The following DMD variants were observed in gnomAD, a reference collection of about 807,000 sequenced individuals.
DMD encodes mutant dystrophin.
A neutral mutation model predicts 330.1 loss-of-function variants in DMD; 63 were observed. That is an observed-to-expected ratio of 0.19 (90% confidence interval 0.16 to 0.24). The LOEUF is 0.24. Ranked by LOEUF, DMD falls within the 10% of genes least tolerant of loss-of-function variation. DMD has a pLI of 1.00. For missense variants in DMD, 3,344 were observed against 2,684.1 expected (o/e 1.25, Z -5.43); for synonymous variants, 1,223 against 959.8 (o/e 1.27, Z -5.07).
intron 44 of DMD, among the ~76,000 whole-genome samples, chrX:32,077,194 C>CTGGTTCTG (rs2096359191): frequency 9.0e-6 from 1 of 111,013 alleles, no homozygotes; most frequent in Non-Finnish European, 1.9e-5. Flanking sequence ...TCTGAGGTAT[C>CTGGTTCTG]ATCAAGGTTC....
chrX:32,152,273 G>T (rs1412708781), intron 44 of DMD, among the ~76,000 whole-genome samples: 2 of 111,131 alleles, frequency 1.8e-5, no homozygotes, highest in East Asian at 2.8e-4. Context: ...AAAGATGGGG[G>T]GTGGGCGTTG....
chrX:31,206,768 T>C, intron 65 of DMD, 101 bp from the exon 66 acceptor site: 1 of 642,595 alleles, frequency 1.6e-6, no homozygotes, highest in East Asian at 3.6e-5. Context: ...AATAAAGGAG[T>C]AAAGTGCTCA....
intron 44 of DMD, among the ~76,000 whole-genome samples, chrX:32,071,677 A>C (rs1237559809): frequency 9.1e-6 from 1 of 110,049 alleles, no homozygotes; most frequent in Non-Finnish European, 1.9e-5. Flanking sequence ...AATCTCAGAA[A>C]TATCAAAAAA....
chrX:31,752,688 C>T (rs988132602), intron 51 of DMD, among the ~76,000 whole-genome samples: 1 of 111,269 alleles, frequency 9.0e-6, no homozygotes, highest in South Asian at 3.8e-4. Flanking sequence ...TCAGATAAAG[C>T]TCTTATCTTT....
At chrX:32,610,683 C>T (rs2057101073) in intron 12 of DMD, among the ~76,000 whole-genome samples, 1 of 111,159 alleles carries the variant, frequency 9.0e-6, no homozygotes, top group African/African-American at 3.3e-5. Flanking sequence ...TTGTCATCTG[C>T]AATCATCTTT....
At chrX:31,898,831 C>T (rs1029459331) in intron 47 of DMD, among the ~76,000 whole-genome samples, 1 of 111,577 alleles carries the variant, frequency 9.0e-6, no homozygotes, top group Non-Finnish European at 1.9e-5. Context: ...AGAAGAATAG[C>T]GAATAACAGG....
At chrX:33,106,656 T>C (rs2095290231) in intron 1 of DMD, among the ~76,000 whole-genome samples, 1 of 112,073 alleles carries the variant, frequency 8.9e-6, no homozygotes, top group African/African-American at 3.2e-5. Flanking sequence ...TGCCTCATAA[T>C]GTTTTGAACA....
chrX:32,720,094 TTGAC>T (rs1253687586), intron 7 of DMD, among the ~76,000 whole-genome samples: 1 of 111,275 alleles, frequency 9.0e-6, no homozygotes, highest in Non-Finnish European at 1.9e-5. Flanking sequence ...TAGCATTTCT[TTGAC>T]TGTTTCTATC....
intron 9 of DMD, among the ~76,000 whole-genome samples, chrX:32,675,572 A>C (rs1035726671): frequency 3.6e-5 from 4 of 111,624 alleles, no homozygotes; most frequent in African/African-American, 6.5e-5. Context: ...AAGTGTGTGC[A>C]TAAGTGTGTT....
At chrX:32,125,069 A>G (rs1366779656) in intron 44 of DMD, among the ~76,000 whole-genome samples, 2 of 111,092 alleles carry the variant, frequency 1.8e-5, no homozygotes, top group African/African-American at 6.5e-5. Flanking sequence ...GACTATGCAA[A>G]GCTTTGCACA....
intron 44 of DMD, among the ~76,000 whole-genome samples, chrX:32,041,816 T>C (rs910949242): frequency 9.2e-6 from 1 of 108,531 alleles, no homozygotes; most frequent in Non-Finnish European, 1.9e-5. Flanking sequence ...GAATTAGGCA[T>C]AATTAGATTT....
intron 55 of DMD, among the ~76,000 whole-genome samples, chrX:31,526,878 G>C (rs1294507125): frequency 8.9e-6 from 1 of 112,435 alleles, no homozygotes; most frequent in East Asian, 2.8e-4. Context: ...GTCAGGCCAA[G>C]GTGGGTGGAT....
chrX:31,908,325 T>A (rs1208121659), intron 47 of DMD, among the ~76,000 whole-genome samples: 1 of 111,703 alleles, frequency 9.0e-6, no homozygotes, highest in Non-Finnish European at 1.9e-5. Flanking sequence ...CAAATGTCCA[T>A]CAGTGATAGA....
chrX:32,894,304 C>T (rs1181979979), intron 2 of DMD, among the ~76,000 whole-genome samples: 2 of 111,467 alleles, frequency 1.8e-5, no homozygotes, highest in African/African-American at 6.5e-5. Context: ...AGCCAGCAAA[C>T]GAGGCATTGG....
At chrX:32,383,924 T>TAAA (rs1383160678) in intron 33 of DMD, among the ~76,000 whole-genome samples, 1 of 109,260 alleles carries the variant, frequency 9.2e-6, no homozygotes, top group Non-Finnish European at 1.9e-5. Flanking sequence ...CTATGACAAA[T>TAAA]AAAAAGCCCA....
intron 7 of DMD, among the ~76,000 whole-genome samples, chrX:32,794,733 G>A (rs1487954144): frequency 1.8e-5 from 2 of 112,310 alleles, no homozygotes; most frequent in Admixed American, 9.4e-5. Flanking sequence ...CGTTGTCCAA[G>A]TACTGCTCTT....
At chrX:32,138,822 C>T (rs1444709491) in intron 44 of DMD, among the ~76,000 whole-genome samples, 1 of 112,063 alleles carries the variant, frequency 8.9e-6, no homozygotes, top group Non-Finnish European at 1.9e-5. Context: ...AAGCTAAGTG[C>T]CTGGTATGTG....
intron 55 of DMD, among the ~76,000 whole-genome samples, chrX:31,521,733 A>G (rs1453968176): frequency 1.8e-5 from 2 of 111,784 alleles, no homozygotes; most frequent in Non-Finnish European, 3.8e-5. Context: ...ACGGTTTTAA[A>G]TTTAGCAGAA....
At chrX:32,770,144 G>T (rs977880593) in intron 7 of DMD, among the ~76,000 whole-genome samples, 1 of 111,755 alleles carries the variant, frequency 8.9e-6, no homozygotes, top group Non-Finnish European at 1.9e-5. Flanking sequence ...ATAGAAAGCC[G>T]GATTTTGTTT....
Sources: gnomAD v4.1 joint callset for allele counts (sites outside exome capture counted in the v4.1 genomes callset) on GRCh38, gnomAD v4.1.1 for gene constraint, MANE v1.5 for transcripts, NCBI Gene and HGNC (gene_info 2026-07-23, HGNC 2026-07-21) for gene names.